The following DPP6 variants were observed in gnomAD, a reference collection of about 807,000 sequenced individuals.
DPP6 encodes dipeptidyl peptidase like 6, also known as A-type potassium channel modulatory protein DPP6.
DPP6 carries 69 observed loss-of-function variants against 122.6 expected under a neutral mutation model. That is an observed-to-expected ratio of 0.56 (90% confidence interval 0.46 to 0.69). The LOEUF (loss-of-function observed/expected upper bound fraction) is 0.69, where lower values mean the gene tolerates loss of function less well. DPP6 is among the 30% of genes least tolerant of loss of function. The pLI, the probability that DPP6 is intolerant of heterozygous loss-of-function variation, is 0.00. For missense variants in DPP6, 928 were observed against 1,116.9 expected (o/e 0.83, Z 2.41); for synonymous variants, 418 against 433.1 (o/e 0.97, Z 0.43).
rs189642776 is a variant in DPP6, at chr7:154,151,105, G to A, written c.243+98042G>A. On this transcript the variant is annotated intron_variant, in intron 1 of 25. Transcript: ENST00000377770. ...GCAAGCTTGTCCCTAAAGCTCAGAC[G>A]ATGGCCTCCCCAGTGCTTCCCCAGA... Among the ~76,000 whole-genome samples the A allele has an allele frequency of 3.3e-5, 5 of 152,306 alleles. No homozygotes were observed. In the East Asian group the frequency reaches 5.8e-4, roughly 18 times the overall value.
At chr7:153,807,444 G>C in the DPP6 span, among the ~76,000 whole-genome samples, 6 of 151,256 alleles carry the variant, frequency 4.0e-5, no homozygotes, top group African/African-American at 1.5e-4. Flanking sequence ...AAAAAACAAA[G>C]ACCATAGAAG....
intron 1 of DPP6, among the ~76,000 whole-genome samples, chr7:154,413,948 T>G (rs939297945): frequency 6.6e-6 from 1 of 152,232 alleles, no homozygotes; most frequent in South Asian, 2.1e-4. Context: ...TTCTGTAGTA[T>G]TGAACTTTAA....
chr7:154,408,360 A>G (rs558206041), intron 1 of DPP6, among the ~76,000 whole-genome samples: 1 of 152,346 alleles, frequency 6.6e-6, no homozygotes, highest in South Asian at 2.1e-4. Context: ...GCTTCATTAA[A>G]TTCAAGTTAG....
At chr7:153,962,641 C>T (rs1231198081) in intron 1 of DPP6, among the ~76,000 whole-genome samples, 1 of 152,182 alleles carries the variant, frequency 6.6e-6, no homozygotes, top group Non-Finnish European at 1.5e-5. Flanking sequence ...ACCCGATGCT[C>T]AGGAAGTAAA....
intron 1 of DPP6, among the ~76,000 whole-genome samples, chr7:153,927,613 A>G (rs1315372111): frequency 6.6e-6 from 1 of 152,234 alleles, no homozygotes. Flanking sequence ...GAAGCACATC[A>G]TGTCGTCTTA....
At chr7:154,372,386 T>C (rs1168244549) in intron 1 of DPP6, among the ~76,000 whole-genome samples, 1 of 152,130 alleles carries the variant, frequency 6.6e-6, no homozygotes, top group Non-Finnish European at 1.5e-5. Context: ...TGGTCAGCAC[T>C]CACCGCTCCC....
intron 5 of DPP6, among the ~76,000 whole-genome samples, chr7:154,584,738 G>C (rs1010190519): frequency 1.3e-5 from 2 of 152,172 alleles, no homozygotes; most frequent in Non-Finnish European, 2.9e-5. Flanking sequence ...ACTAAGGAGG[G>C]CTTTATTGTT....
chr7:154,622,221 G>T (rs910713132), intron 5 of DPP6, among the ~76,000 whole-genome samples: 2 of 152,142 alleles, frequency 1.3e-5, no homozygotes, highest in African/African-American at 4.8e-5. Context: ...TGCCACTTTG[G>T]ATGGCAAATG....
rs67145418 is a variant in DPP6, at chr7:154,648,094, TAA to T, written c.680+10236_680+10237del. On this transcript the variant is annotated intron_variant, in intron 6 of 25. Transcript: ENST00000377770. Reference sequence around the variant, plus strand: ...GGTGAAACCCCGTCTCTATTAAAATTAAAAAAAAAAAAAAAATTAGCCGGGCA... The same window carrying T: ...GGTGAAACCCCGTCTCTATTAAAATTAAAAAAAAAAAAAATTAGCCGGGCA... Among the ~76,000 whole-genome samples, 269 of 146,462 alleles carry T rather than the reference TAA, an allele frequency of 1.8e-3. 1 individual carries two copies. Among genetic ancestry groups the T allele is most frequent in the Non-Finnish European group, 1.9e-3 (125 of 66,774 alleles).
the DPP6 span, among the ~76,000 whole-genome samples, chr7:153,801,078 A>C: frequency 6.6e-6 from 1 of 150,914 alleles, no homozygotes; most frequent in Non-Finnish European, 1.5e-5. Context: ...CAAATGCAGA[A>C]AGTCAATCAG....
At chr7:154,625,474 C>A (rs1246207113) in intron 5 of DPP6, among the ~76,000 whole-genome samples, 1 of 152,146 alleles carries the variant, frequency 6.6e-6, no homozygotes, top group African/African-American at 2.4e-5. Flanking sequence ...TTCTAGTGTG[C>A]CTTCTTATAA....
chr7:154,389,530 G>C (rs557788496), intron 1 of DPP6, among the ~76,000 whole-genome samples: 1 of 151,884 alleles, frequency 6.6e-6, no homozygotes, highest in South Asian at 2.1e-4. Context: ...CTATGGCTTT[G>C]CATCTGAGAA....
At chr7:154,237,562 G>A (rs1026116345) in intron 1 of DPP6, among the ~76,000 whole-genome samples, 1 of 152,116 alleles carries the variant, frequency 6.6e-6, no homozygotes, top group Non-Finnish European at 1.5e-5. Context: ...CTCATTCACT[G>A]TCCCACCTTC....
intron 1 of DPP6, among the ~76,000 whole-genome samples, chr7:154,412,805 A>C (rs1229142178): frequency 1.3e-5 from 2 of 152,150 alleles, no homozygotes; most frequent in Non-Finnish European, 2.9e-5. Flanking sequence ...TGCCCTGCCC[A>C]GGGCACACAC....
chr7:153,777,824 C>T, the DPP6 span, among the ~76,000 whole-genome samples: 6 of 141,664 alleles, frequency 4.2e-5, no homozygotes, highest in African/African-American at 1.2e-4. Flanking sequence ...GTAGTTAATA[C>T]GTGATTTTAT....
the DPP6 span, among the ~76,000 whole-genome samples, chr7:153,872,781 C>T: frequency 6.6e-6 from 1 of 152,178 alleles, no homozygotes; most frequent in East Asian, 1.9e-4. Context: ...AGCTCTGGTC[C>T]TTAGCAATTA....
chr7:153,931,102 T>C (rs1266508554), intron 1 of DPP6, among the ~76,000 whole-genome samples: 1 of 152,222 alleles, frequency 6.6e-6, no homozygotes, highest in Non-Finnish European at 1.5e-5. Context: ...TCTGTCTTTC[T>C]TGGCCTTTCA....
At chr7:154,487,278 G>T (rs1823880528) in intron 3 of DPP6, among the ~76,000 whole-genome samples, 2 of 152,122 alleles carry the variant, frequency 1.3e-5, no homozygotes, top group Admixed American at 1.3e-4. Context: ...TAAGTAGACA[G>T]ATATTCTCCA....
At chr7:154,385,215 C>T (rs912674371) in intron 1 of DPP6, among the ~76,000 whole-genome samples, 4 of 152,150 alleles carry the variant, frequency 2.6e-5, no homozygotes, top group African/African-American at 4.8e-5. Context: ...ATGATCCGCC[C>T]GCCTCGGCCT....
Sources: allele counts gnomAD v4.1 joint callset (sites outside exome capture counted in the v4.1 genomes callset), GRCh38; gene constraint gnomAD v4.1.1; transcripts MANE v1.5; gene names NCBI Gene and HGNC (gene_info 2026-07-23, HGNC 2026-07-21).